ITFG1: variants seen among roughly 807,000 people sequenced by gnomAD.
ITFG1 encodes the protein integrin alpha FG-GAP repeat containing 1, also known as T-cell immunomodulatory protein.
In ITFG1, 34 loss-of-function variants were observed where a neutral mutation model predicts 81.8. The observed-to-expected ratio is 0.42, with a 90% confidence interval of 0.32 to 0.55. The LOEUF (loss-of-function observed/expected upper bound fraction) is 0.55, where lower values mean the gene tolerates loss of function less well. ITFG1 is among the 20% of genes least tolerant of loss of function. The pLI, the probability that ITFG1 is intolerant of heterozygous loss-of-function variation, is 0.17. For synonymous variants in ITFG1, 285 were observed against 270.6 expected, an observed-to-expected ratio of 1.05 and a Z score of -0.52; for missense variants, 672 against 755.4, an observed-to-expected ratio of 0.89 and a Z score of 1.29.
At chr16:47,418,515 G>T (rs1325096798) in intron 6 of ITFG1, among the ~76,000 whole-genome samples, 1 of 152,010 alleles carries the variant, frequency 6.6e-6, no homozygotes, top group Non-Finnish European at 1.5e-5. Flanking sequence ...TTTTCTTCTA[G>T]TAATTTTATA....
intron 14 of ITFG1, among the ~76,000 whole-genome samples, chr16:47,167,059 GT>G (rs368395750): frequency 1.3e-5 from 2 of 152,094 alleles, no homozygotes; most frequent in African/African-American, 4.8e-5. Context: ...ATTCTCTCTT[GT>G]TTGCAAACTT....
chr16:47,185,830 C>T (rs264333), intron 14 of ITFG1, among the ~76,000 whole-genome samples: 150,272 of 152,254 alleles, frequency 0.99, 74,181 homozygotes, highest in East Asian at 1. Flanking sequence ...AGCTGGTTTT[C>T]TGAAAAGATC....
In ITFG1 at chr16:47,264,591, C is replaced by CACACAG. The variant is rs925255694; in HGVS notation, c.1071-3897_1071-3896insCTGTGT. 1.2e-3 allele frequency among the ~76,000 whole-genome samples: 162 copies of CACACAG among 140,588 alleles called. 1 individual carries two copies. The highest frequency in any genetic ancestry group is 1.9e-3 in the Non-Finnish European group (120 of 63,984). 92.2% of individuals were successfully genotyped at this position (140,588 alleles called of 152,430 possible). A position where few individuals can be genotyped will look rare whatever the true frequency, so the allele number is the denominator to read the frequency against. ...ACACACACACACACACACACACACA[C>CACACAG]AGAGATAGAGAGAAAATTTTTCTTT... is the stretch of plus-strand genomic sequence containing the variant. On this transcript the variant is annotated intron_variant, in intron 10 of 17. Coordinates refer to ENST00000320640, the MANE Select transcript of ITFG1 (RefSeq NM_030790.5).
chr16:47,445,738 A>T (rs1969316738), intron 5 of ITFG1, among the ~76,000 whole-genome samples: 1 of 152,240 alleles, frequency 6.6e-6, no homozygotes, highest in Admixed American at 6.5e-5. Context: ...CTTAAGAGAC[A>T]TGCAGTTTCT....
At chr16:47,396,524 T>TGTGTGTGTGTGTGTG (rs1555514103) in intron 6 of ITFG1, among the ~76,000 whole-genome samples, 38 of 149,098 alleles carry the variant, frequency 2.5e-4, no homozygotes, top group African/African-American at 6.7e-4. Context: ...AATAATTATT[T>TGTGTGTGTGTGTGTG]TGTGTGTGTG....
intron 8 of ITFG1, among the ~76,000 whole-genome samples, chr16:47,330,351 C>T (rs2151573426): frequency 6.6e-6 from 1 of 151,980 alleles, no homozygotes; most frequent in East Asian, 1.9e-4. Flanking sequence ...TAGAACAAAA[C>T]CTAGGAAATA....
intron 14 of ITFG1, among the ~76,000 whole-genome samples, chr16:47,195,108 T>C (rs1348307323): frequency 6.6e-6 from 1 of 152,170 alleles, no homozygotes; most frequent in Admixed American, 6.5e-5. Flanking sequence ...CTCCTACTTA[T>C]TTTATAGATT....
intron 8 of ITFG1, among the ~76,000 whole-genome samples, chr16:47,359,251 C>A (rs866332534): frequency 6.6e-6 from 1 of 152,012 alleles, no homozygotes; most frequent in Admixed American, 6.5e-5. Flanking sequence ...TGCTAATATC[C>A]AACTCTGTGT....
Position 47,365,851 on chromosome 16 carries a change from T to G in ITFG1, c.739A>C (p.Ser247Arg), listed in dbSNP as rs778409994. ...WENLDGNFSV[S>R]TILEKPQNMM... ...TTTTGAGGTTTTTCCAATATAGTAC[T>G]GACAGAGAAGTTTCCATCCTGTTAA... is the stretch of plus-strand genomic sequence containing the variant. The change falls in exon 8 of 18, where the codon AGT (serine) becomes CGT (arginine). Residue 247 changes from serine to arginine, a missense_variant. This residue lies in a region of ITFG1 where 560 missense variants were observed against 625.7 expected (regional missense o/e 0.90). Transcript: ENST00000320640. The G allele has an allele frequency of 1.9e-5, 31 of 1,593,854 alleles. No individual in the cohort carries two copies. The East Asian group carries it at 6.7e-4, about 35-fold the overall frequency.
chr16:47,291,085 TCA>T (rs1966899435), intron 10 of ITFG1, among the ~76,000 whole-genome samples: 1 of 152,204 alleles, frequency 6.6e-6, no homozygotes, highest in Non-Finnish European at 1.5e-5. Flanking sequence ...ATAAATTCTC[TCA>T]GATTTTTTTC....
At chr16:47,379,860 T>C (rs1968373817) in intron 6 of ITFG1, among the ~76,000 whole-genome samples, 1 of 151,970 alleles carries the variant, frequency 6.6e-6, no homozygotes, top group South Asian at 2.1e-4. Context: ...GGAAATACAC[T>C]AGTGGGGGTG....
At chr16:47,196,109 T>C (rs556739268) in intron 14 of ITFG1, among the ~76,000 whole-genome samples, 14 of 152,330 alleles carry the variant, frequency 9.2e-5, no homozygotes, top group African/African-American at 3.4e-4. Flanking sequence ...ATTCTAATCT[T>C]GTTCTGCTAT....
At chr16:47,251,426 T>A (rs1021132807) in intron 12 of ITFG1, among the ~76,000 whole-genome samples, 1 of 152,130 alleles carries the variant, frequency 6.6e-6, no homozygotes, top group African/African-American at 2.4e-5. Flanking sequence ...GGCAGAAGTA[T>A]ATAGTGACCC....
intron 5 of ITFG1, among the ~76,000 whole-genome samples, chr16:47,430,925 T>A (rs748235556): frequency 9.2e-5 from 14 of 152,218 alleles, no homozygotes; most frequent in Non-Finnish European, 1.8e-4. Context: ...ATAACACGAA[T>A]TCCCATCAGT....
intron 11 of ITFG1, among the ~76,000 whole-genome samples, chr16:47,259,597 A>T (rs1307935755): frequency 6.6e-6 from 1 of 152,208 alleles, no homozygotes; most frequent in South Asian, 2.1e-4. Context: ...AACAAAATAA[A>T]ATCAAAAATG....
At chr16:47,411,888 A>G (rs56830681) in intron 6 of ITFG1, among the ~76,000 whole-genome samples, 10,501 of 152,212 alleles carry the variant, frequency 0.069, 610 homozygotes, top group African/African-American at 0.15. Context: ...CCTGCTACAC[A>G]TTACTTTTAA....
At chr16:47,332,615 T>C (rs1967650795) in intron 8 of ITFG1, among the ~76,000 whole-genome samples, 1 of 152,206 alleles carries the variant, frequency 6.6e-6, no homozygotes, top group Non-Finnish European at 1.5e-5. Context: ...GTTAGAACTA[T>C]AAAAGGCCAT....
intron 14 of ITFG1, chr16:47,196,812 C>G (rs1009438401): frequency 6.6e-6 from 1 of 152,162 alleles, no homozygotes; most frequent in African/African-American, 2.4e-5. Context: ...AAAAATTAAT[C>G]CCAGCTACTC....
rs1165988953 is a variant in ITFG1 at position 47,188,418 on chromosome 16, G to A, written c.1454-25754C>T. Among the ~76,000 whole-genome samples, 6 of 150,756 alleles carry A rather than the reference G, an allele frequency of 4.0e-5. No individual in the cohort carries two copies. In the South Asian group the frequency reaches 1.3e-3, roughly 32 times the overall value. ...GAAAATGTGGCACATATACACCATG[G>A]AATACTATGCAGTCATAAAAAATGA... is the stretch of plus-strand genomic sequence containing the variant. On this transcript the variant is annotated intron_variant, in intron 14 of 17. Transcript: ENST00000320640.
Sources: gnomAD v4.1 joint callset for allele counts (sites outside exome capture counted in the v4.1 genomes callset) on GRCh38, gnomAD v4.1.1 for gene constraint, gnomAD v4.1.1 regional missense constraint, MANE v1.5 for transcripts, NCBI Gene and HGNC (gene_info 2026-07-23, HGNC 2026-07-21) for gene names.